Variants in TJP1 observed in about 807,000 individuals in gnomAD.
TJP1 encodes the protein tight junction protein ZO-1.
In TJP1, 43 loss-of-function variants were observed where a neutral mutation model predicts 194.2. The observed-to-expected ratio is 0.22, with a 90% CI of 0.17 to 0.29. The LOEUF (loss-of-function observed/expected upper bound fraction) is 0.29. Among genes scored for constraint, TJP1 ranks in the 10% least tolerant of loss-of-function variants. The probability of loss-of-function intolerance (pLI) is 1.00; values close to 1 mark genes in which losing one functional copy is unlikely to be tolerated. For missense variants in TJP1, 1,971 were observed against 2,185.7 expected (o/e 0.90, Z 1.96); for synonymous variants, 801 against 779.0 (o/e 1.03, Z -0.47).
In TJP1 at chr15:29,718,961, A is replaced by T; in HGVS notation, c.3181T>A (p.Tyr1061Asn). 6.2e-7 allele frequency: 1 copy of T among 1,614,126 alleles called. No individual in the cohort carries two copies. The highest frequency in any genetic ancestry group is 8.5e-7 in the Non-Finnish European group (1 of 1,180,024). Residue 1061 changes from tyrosine (Y) to asparagine (N), a missense_variant, in exon 21 of 28, where the codon TAC becomes AAC. By Grantham distance (143) the Tyr-to-Asn change is moderately radical. Coordinates refer to ENST00000614355, the MANE Select transcript of TJP1 (RefSeq NM_001330239.4). ...SRDLEQPTYR[Y>N]ESSSYTDQFS... ...TGGTCCGTATAGCTTGAGGACTCGT[A>T]TCTGTATGTGGGCTGCTCGAGGTCT...
chr15:29,859,237 A>C (rs1320121155), intron 2 of TJP1, among the ~76,000 whole-genome samples: 1 of 152,232 alleles, frequency 6.6e-6, no homozygotes, highest in African/African-American at 2.4e-5. Flanking sequence ...CGGAATGATC[A>C]AAGTGTTCGC....
At chr15:29,731,997 A>G in intron 15 of TJP1, 1 of 170,258 alleles carries the variant, frequency 5.9e-6, no homozygotes, top group Non-Finnish European at 1.3e-5. Flanking sequence ...TGACTAAAAG[A>G]GCTGGAATGG....
At chr15:29,702,267 C>T (rs1272849912) in intron 27 of TJP1, among the ~76,000 whole-genome samples, 1 of 152,146 alleles carries the variant, frequency 6.6e-6, no homozygotes, top group East Asian at 1.9e-4. Context: ...AGCAAAAAAA[C>T]GAGACTGCAC....
chr15:29,803,409 A>G (rs2048912578), intron 1 of TJP1, among the ~76,000 whole-genome samples: 2 of 152,126 alleles, frequency 1.3e-5, no homozygotes, highest in Non-Finnish European at 2.9e-5. Flanking sequence ...TTTGTGTTAG[A>G]TAATTTTGCC....
chr15:29,749,739 CAAG>C (rs1477552210), intron 8 of TJP1, among the ~76,000 whole-genome samples: 2 of 152,190 alleles, frequency 1.3e-5, no homozygotes, highest in Non-Finnish European at 2.9e-5. Flanking sequence ...GTTCCCTTTC[CAAG>C]AAGGCCAGAT....
intron 2 of TJP1, among the ~76,000 whole-genome samples, chr15:29,901,773 A>G (rs891110657): frequency 5.9e-5 from 9 of 151,416 alleles, no homozygotes; most frequent in Non-Finnish European, 1.3e-4. Context: ...GTGAGCCAAG[A>G]TTGCACCACT....
intron 2 of TJP1, among the ~76,000 whole-genome samples, chr15:29,877,903 G>A (rs2052769162): frequency 6.6e-6 from 1 of 151,882 alleles, no homozygotes; most frequent in African/African-American, 2.4e-5. Context: ...TCCTGAACTC[G>A]TGATCCGCTT....
At chr15:29,907,220 T>G (rs2053844990) in intron 2 of TJP1, among the ~76,000 whole-genome samples, 1 of 151,870 alleles carries the variant, frequency 6.6e-6, no homozygotes, top group Non-Finnish European at 1.5e-5. Context: ...CCATCCTGGC[T>G]AACACAGTGA....
chr15:29,945,800 C>T (rs1456325528), intron 2 of TJP1, among the ~76,000 whole-genome samples: 4 of 97,126 alleles, frequency 4.1e-5, no homozygotes, highest in African/African-American at 6.3e-5. Context: ...CACACACACA[C>T]GCACACACAC....
At chr15:29,815,084 G>A (rs568929726) in intron 1 of TJP1, among the ~76,000 whole-genome samples, 2 of 152,168 alleles carry the variant, frequency 1.3e-5, no homozygotes, top group South Asian at 4.1e-4. Flanking sequence ...CCCTACCCAC[G>A]TATTCCCCAC....
intron 10 of TJP1, among the ~76,000 whole-genome samples, chr15:29,739,747 T>C (rs2044273060): frequency 6.6e-6 from 1 of 150,766 alleles, no homozygotes; most frequent in African/African-American, 2.4e-5. Flanking sequence ...GCCCGGCCAG[T>C]CTCTGGAATC....
intron 2 of TJP1, among the ~76,000 whole-genome samples, chr15:29,872,574 T>C (rs1439538199): frequency 1.3e-5 from 2 of 152,166 alleles, no homozygotes; most frequent in East Asian, 1.9e-4. Flanking sequence ...TATTTCTTCA[T>C]TGGGAAGAAA....
intron 2 of TJP1, among the ~76,000 whole-genome samples, chr15:29,898,728 T>C (rs1454257477): frequency 2.0e-5 from 3 of 152,198 alleles, no homozygotes; most frequent in Admixed American, 6.5e-5. Flanking sequence ...ATTTTCAGAT[T>C]ACGGATGCTC....
At chr15:29,707,450 C>T (rs1345928643) in intron 25 of TJP1, among the ~76,000 whole-genome samples, 1 of 152,164 alleles carries the variant, frequency 6.6e-6, no homozygotes, top group Non-Finnish European at 1.5e-5. Context: ...CTCTGTCCGC[C>T]CCTGACCATC....
rs2337178 is a variant in TJP1 at position 29,834,177 on chromosome 15, G to A, written c.307-33475C>T. On this transcript the variant is annotated intron_variant, in intron 2 of 28. Coordinates refer to the TJP1 transcript ENST00000356107. ...ATTACAGGCATGAGCCACTGGGCCC[G>A]GCCGTAAGTATATTTTTTAAAGCTT... is the stretch of plus-strand genomic sequence containing the variant. Among the ~76,000 whole-genome samples, 1,442 of 146,820 alleles carry A rather than the reference G, an allele frequency of 9.8e-3. 14 individuals are homozygous for A. The highest frequency in any genetic ancestry group is 0.017 in the Non-Finnish European group (1,144 of 66,834).
chr15:29,863,686 T>C (rs2052183976), intron 2 of TJP1, among the ~76,000 whole-genome samples: 1 of 152,188 alleles, frequency 6.6e-6, no homozygotes, highest in Non-Finnish European at 1.5e-5. Flanking sequence ...AGAGCACATG[T>C]ACTCTCAGCA....
At chr15:29,843,175 T>C (rs2051288449) in intron 2 of TJP1, among the ~76,000 whole-genome samples, 1 of 140,124 alleles carries the variant, frequency 7.1e-6, no homozygotes, top group Non-Finnish European at 1.5e-5. Flanking sequence ...GTTTTTTTTC[T>C]TTTTTCTTTT....
At chr15:29,833,268 T>C (rs777524780) in intron 2 of TJP1, among the ~76,000 whole-genome samples, 1 of 152,236 alleles carries the variant, frequency 6.6e-6, no homozygotes, top group Non-Finnish European at 1.5e-5. Flanking sequence ...CAGAATCACA[T>C]AATTTGTAAT....
intron 15 of TJP1, 161 bp from the exon 16 acceptor site, chr15:29,728,180 C>A: frequency 2.2e-6 from 1 of 444,794 alleles, no homozygotes. Flanking sequence ...AATATGCATA[C>A]TTCCCTTTTT....
Sources: gnomAD v4.1 joint callset for allele counts (sites outside exome capture counted in the v4.1 genomes callset) on GRCh38, gnomAD v4.1.1 for gene constraint, MANE v1.5 for transcripts, NCBI Gene and HGNC (gene_info 2026-07-23, HGNC 2026-07-21) for gene names.